NCKAP1: variants seen among roughly 807,000 people sequenced by gnomAD.
NCKAP1 encodes nck-associated protein 1.
In NCKAP1, 21 loss-of-function variants were observed where a neutral mutation model predicts 151.2. The observed-to-expected ratio is 0.14, with a 90% CI of 0.10 to 0.20. The LOEUF is 0.20. NCKAP1 is among the 10% of genes least tolerant of loss of function. The pLI, the probability that NCKAP1 is intolerant of heterozygous loss-of-function variation, is 1.00. For synonymous variants in NCKAP1, 484 were observed against 451.8 expected, an observed-to-expected ratio of 1.07 and a Z score of -0.90; for missense variants, 933 against 1,352.1, an observed-to-expected ratio of 0.69 and a Z score of 4.86.
intron 11 of NCKAP1, 113 bp from the exon 12 acceptor site, chr2:182,983,040 GTGAAGAGACTAAC>G: frequency 1.2e-6 from 1 of 804,504 alleles, no homozygotes. Flanking sequence ...ATTCAAAAGA[GTGAAGAGACTAAC>G]AGAAGAGGAC....
chr2:182,953,370 C>T (rs535100274), intron 20 of NCKAP1, 39 bp from the exon 21 acceptor site: 58 of 1,434,140 alleles, frequency 4.0e-5, no homozygotes, highest in Non-Finnish European at 5.2e-5. Context: ...AAGCCTCTGA[C>T]TTTTCCATTC....
At chr2:182,943,320 A>G (rs1697034934) in intron 23 of NCKAP1, among the ~76,000 whole-genome samples, 2 of 152,128 alleles carry the variant, frequency 1.3e-5, no homozygotes, top group Admixed American at 6.5e-5. Flanking sequence ...AATCCATAAA[A>G]ATACTTTTTT....
intron 19 of NCKAP1, 178 bp downstream of exon 19, chr2:182,957,279 G>A: frequency 1.6e-6 from 1 of 624,322 alleles, no homozygotes. Context: ...GCCAAAATCT[G>A]TATTTTGAGA....
chr2:182,952,696 A>C (rs1214532582), intron 22 of NCKAP1, 97 bp downstream of exon 22: 1 of 1,323,440 alleles, frequency 7.6e-7, no homozygotes, highest in East Asian at 2.4e-5. Flanking sequence ...TAATTGAATG[A>C]AATAGTCACA....
chr2:182,983,407 T>C, intron 10 of NCKAP1, 25 bp from the exon 11 acceptor site: 2 of 1,466,170 alleles, frequency 1.4e-6, no homozygotes, highest in East Asian at 2.3e-5. Context: ...ACCATAATAG[T>C]TTATCTGCTT....
In NCKAP1 at chr2:183,003,305, C is replaced by T; in HGVS notation, c.240G>A (p.Gln80=). Residue 80 remains glutamine, a synonymous_variant, in exon 3 of 31, where the codon CAG becomes CAA. Coordinates refer to ENST00000361354, the MANE Select transcript of NCKAP1 (RefSeq NM_013436.5). ...RNNNQQLAQL[Q]KEKSEILKNL... ...TTTTCAGAATCTCTGATTTTTCTTTCTGTAGTTGTGCAAGCTGTTGCTGTA... is the reference window on the plus strand; with the variant it reads ...TTTTCAGAATCTCTGATTTTTCTTTTTGTAGTTGTGCAAGCTGTTGCTGTA... 6.3e-7 allele frequency: 1 copy of T among 1,598,300 alleles called. No homozygotes were observed. Among genetic ancestry groups the T allele is most frequent in the Non-Finnish European group, 8.5e-7 (1 of 1,172,060 alleles).
intron 1 of NCKAP1, chr2:183,025,048 T>C: frequency 1.9e-6 from 3 of 1,558,390 alleles, no homozygotes; most frequent in Non-Finnish European, 1.8e-6. Flanking sequence ...ACAATGATTG[T>C]CAAACTATGA....
intron 2 of NCKAP1, among the ~76,000 whole-genome samples, chr2:183,014,543 C>T (rs934055205): frequency 1.3e-5 from 2 of 152,274 alleles, no homozygotes; most frequent in Middle Eastern, 3.4e-3. Context: ...TGGGAACTAA[C>T]ATAGTATACT....
intron 2 of NCKAP1, 91 bp downstream of exon 2, chr2:183,023,715 G>A (rs1422129459): frequency 1.0e-6 from 1 of 960,150 alleles, no homozygotes; most frequent in Non-Finnish European, 1.6e-6. Flanking sequence ...TTAAAAATTA[G>A]GTAAATAAGA....
At chr2:182,943,433 T>G (rs1453254997) in intron 23 of NCKAP1, among the ~76,000 whole-genome samples, 1 of 152,172 alleles carries the variant, frequency 6.6e-6, no homozygotes, top group African/African-American at 2.4e-5. Flanking sequence ...TCACATTTAT[T>G]TGCTGAATTT....
intron 20 of NCKAP1, among the ~76,000 whole-genome samples, chr2:182,956,016 A>G (rs1452371415): frequency 1.3e-5 from 2 of 152,048 alleles, no homozygotes; most frequent in Non-Finnish European, 2.9e-5. Flanking sequence ...ATCTTCAGTA[A>G]TTTTCAGTTC....
chr2:182,967,500 T>C (rs1284822094), intron 15 of NCKAP1, 139 bp from the exon 16 acceptor site: 6 of 740,706 alleles, frequency 8.1e-6, no homozygotes, highest in East Asian at 2.7e-5. Context: ...ACTGTGTTAG[T>C]TGTCTGTAGT....
intron 1 of NCKAP1, among the ~76,000 whole-genome samples, chr2:183,036,101 G>A (rs1265351003): frequency 6.6e-6 from 1 of 152,066 alleles, no homozygotes; most frequent in African/African-American, 2.4e-5. Flanking sequence ...TAATACAAGA[G>A]GCTGAAGCTT....
intron 12 of NCKAP1, 152 bp downstream of exon 12, chr2:182,982,669 T>C: frequency 5.2e-6 from 3 of 573,348 alleles, no homozygotes; most frequent in Non-Finnish European, 8.9e-6. Flanking sequence ...TAGGCTAGGC[T>C]AAGCTCTAAT....
intron 16 of NCKAP1, 99 bp from the exon 17 acceptor site, chr2:182,964,907 C>T (rs12994001): frequency 0.093 from 78,201 of 842,468 alleles, 7,090 homozygotes; most frequent in African/African-American, 0.42. Flanking sequence ...TGAATGATAA[C>T]TGGTAGCACT....
At position 183,002,030 on chromosome 2, in the gene NCKAP1, G is replaced by A; in HGVS notation, c.526C>T (p.Pro176Ser). 6.2e-7 allele frequency: 1 copy of A among 1,613,494 alleles called. No individual in the cohort carries two copies. The highest frequency in any genetic ancestry group is 1.1e-5 in the South Asian group (1 of 91,050). The part of the protein sequence containing the change: ...MTHGASDREY[P>S]RLGQMIVDYE... ...TCCACAATCATCTGGCCAAGGCGTG[G>A]GTATTCTCTGTCACTTAAAACAGAC... The change falls in exon 6 of 31, where the codon CCA (proline) becomes TCA (serine). Residue 176 changes from proline to serine, a missense_variant. By Grantham distance (74) the Pro-to-Ser change is moderately conservative. Transcript: ENST00000361354.
chr2:182,998,737 G>A (rs1241416925), intron 6 of NCKAP1, among the ~76,000 whole-genome samples: 4 of 150,294 alleles, frequency 2.7e-5, no homozygotes, highest in Non-Finnish European at 5.9e-5. Context: ...GGCAAAGGCA[G>A]GAGAATTGCT....
chr2:182,916,266 T>C lies in NCKAP1; in HGVS notation c.*9436A>G, dbSNP rs1212075385. On this transcript the variant is annotated 3_prime_UTR_variant, in exon 31 of 31. Transcript: ENST00000361354. ...CCCAGCTGCCTGTATCTCTGATGCT[T>C]CTCCACAGGAACAAAAAGAAACAGA... is the stretch of plus-strand genomic sequence containing the variant. 1 of 151,582 alleles carries C rather than the reference T, an allele frequency of 6.6e-6. No individual in the cohort carries two copies. Among genetic ancestry groups the C allele is most frequent in the Non-Finnish European group, 1.5e-5 (1 of 67,990 alleles). 9.4% of individuals were successfully genotyped at this position (151,582 alleles called of 1,614,324 possible). A position where few individuals can be genotyped will look rare whatever the true frequency, so the allele number is the denominator to read the frequency against.
At position 182,934,830 on chromosome 2, in the gene NCKAP1, G is replaced by C. The variant is rs9288088; in HGVS notation, c.2781C>G (p.Val927=). 1,094,935 of 1,424,956 alleles carry C rather than the reference G, an allele frequency of 0.77. 430,417 individuals carry two copies. Among genetic ancestry groups the C allele is most frequent in the East Asian group, 0.96 (40,892 of 42,728 alleles). 88.3% of individuals were successfully genotyped at this position (1,424,956 alleles called of 1,614,324 possible). A position where few individuals can be genotyped will look rare whatever the true frequency, so the allele number is the denominator to read the frequency against. ...RSLAQEALRD[V]LSYHIPFLVS... is the part of the protein sequence containing the mutation. ...CAAGAAAAGGAATGTGGTAGGATAA[G>C]ACCTAGGCAGGATAACAAATAAGAA... The change falls in exon 26 of 31, where the codon GTC becomes GTG. Residue 927 remains valine, a splice_region_variant and synonymous_variant. Transcript: ENST00000361354.
Sources: allele counts gnomAD v4.1 joint callset (sites outside exome capture counted in the v4.1 genomes callset), GRCh38; gene constraint gnomAD v4.1.1; transcripts MANE v1.5; gene names NCBI Gene and HGNC (gene_info 2026-07-23, HGNC 2026-07-21).